RYR2: variants seen among roughly 807,000 people sequenced by gnomAD.
RYR2 encodes the protein ryanodine receptor 2.
In RYR2, 227 loss-of-function variants were observed where a neutral mutation model predicts 601.1. That is an observed-to-expected ratio of 0.38 (90% CI 0.34 to 0.42). The LOEUF is 0.42. RYR2 is among the 10% of genes least tolerant of loss of function. RYR2 has a pLI of 1.00. For synonymous variants in RYR2, 2,223 were observed against 2,175.1 expected (o/e 1.02, Z -0.61); for missense variants, 4,646 against 6,156.5 (o/e 0.75, Z 8.21).
chr1:237,580,744 G>A lies in RYR2; in HGVS notation c.3599-9049G>A, dbSNP rs1673822442. The stretch of plus-strand genomic sequence containing the variant: ...AAAGGGGTAATTCAGGTTAAATGAG[G>A]TAATAGTGTGGGGCCTTAATCCAGT... On this transcript the variant is annotated intron_variant, in intron 29 of 104. Coordinates refer to ENST00000366574, the MANE Select transcript of RYR2 (RefSeq NM_001035.3). Among the ~76,000 whole-genome samples, 4 of 152,182 alleles carry A rather than the reference G, an allele frequency of 2.6e-5. No homozygotes were observed. In the South Asian group the frequency reaches 8.3e-4, roughly 31 times the overall value.
chr1:237,046,369 A>T lies in RYR2; in HGVS notation c.48+3800A>T, dbSNP rs1275644742. Among the ~76,000 whole-genome samples, 6 of 152,326 alleles carry T rather than the reference A, an allele frequency of 3.9e-5. No individual in the cohort carries two copies. In the East Asian group the frequency reaches 1.2e-3, roughly 29 times the overall value. On this transcript the variant is annotated intron_variant, in intron 1 of 104. Coordinates refer to ENST00000366574, the MANE Select transcript of RYR2 (RefSeq NM_001035.3). The stretch of plus-strand genomic sequence containing the variant: ...TTTATCTGCTGTTCAAGTATGTTTT[A>T]GGTTTATAGCAAAAGAATACCAAGT...
intron 1 of RYR2, among the ~76,000 whole-genome samples, chr1:237,066,994 A>G (rs1028950327): frequency 2.0e-5 from 3 of 152,086 alleles, no homozygotes; most frequent in Admixed American, 6.5e-5. Context: ...TTCTAAATGG[A>G]CTTTATAAAA....
chr1:237,052,536 G>A (rs565215598), intron 1 of RYR2, among the ~76,000 whole-genome samples: 6 of 152,288 alleles, frequency 3.9e-5, no homozygotes, highest in South Asian at 2.1e-4. Flanking sequence ...CTTTTGTAGC[G>A]TTTCAGGAAA....
At chr1:237,500,094 C>A (rs1664475028) in intron 20 of RYR2, among the ~76,000 whole-genome samples, 3 of 152,150 alleles carry the variant, frequency 2.0e-5, no homozygotes, top group African/African-American at 4.8e-5. Context: ...CTATAGTTGT[C>A]TCACAATAAG....
chr1:237,712,751 G>T (rs1324126310), intron 71 of RYR2, among the ~76,000 whole-genome samples: 1 of 152,174 alleles, frequency 6.6e-6, no homozygotes, highest in Admixed American at 6.5e-5. Flanking sequence ...TATCTTTCCA[G>T]ATTTTTGTTT....
At chr1:237,123,827 C>T (rs1005031930) in intron 1 of RYR2, among the ~76,000 whole-genome samples, 6 of 151,634 alleles carry the variant, frequency 4.0e-5, no homozygotes, top group Admixed American at 2.0e-4. Flanking sequence ...GCCACCGCGC[C>T]CGGCTAATTT....
intron 29 of RYR2, among the ~76,000 whole-genome samples, chr1:237,571,152 C>T (rs1187262374): frequency 6.6e-6 from 1 of 151,964 alleles, no homozygotes; most frequent in Non-Finnish European, 1.5e-5. Flanking sequence ...AACCTTATTT[C>T]AAAGATAAGC....
At chr1:237,624,860 G>A (rs1020351211) in intron 39 of RYR2, among the ~76,000 whole-genome samples, 9 of 151,992 alleles carry the variant, frequency 5.9e-5, no homozygotes, top group East Asian at 3.8e-4. Flanking sequence ...TGGTTTAACC[G>A]GTGGTTATCT....
At chr1:237,503,753 G>T (rs1393980405) in intron 22 of RYR2, among the ~76,000 whole-genome samples, 1 of 152,134 alleles carries the variant, frequency 6.6e-6, no homozygotes, top group Non-Finnish European at 1.5e-5. Flanking sequence ...TGTTGTCCAG[G>T]CTGGAGTGCA....
chr1:237,117,739 TCTC>T (rs2148627266), intron 1 of RYR2, among the ~76,000 whole-genome samples: 1 of 131,294 alleles, frequency 7.6e-6, no homozygotes, highest in South Asian at 2.4e-4. Flanking sequence ...TCTCTTCTCT[TCTC>T]TTCTCTTCTC....
chr1:237,768,796 A>G (rs1022760276), intron 84 of RYR2, among the ~76,000 whole-genome samples: 2 of 152,186 alleles, frequency 1.3e-5, no homozygotes, highest in African/African-American at 2.4e-5. Context: ...TCATTAAGCA[A>G]CAGTACCCCA....
intron 56 of RYR2, among the ~76,000 whole-genome samples, chr1:237,666,289 G>A (rs371097538): frequency 4.2e-4 from 64 of 152,236 alleles, no homozygotes; most frequent in Middle Eastern, 6.8e-3. Context: ...ATCAAATTCC[G>A]ATAGGCAATT....
At chr1:237,049,937 T>C (rs1661042408) in intron 1 of RYR2, among the ~76,000 whole-genome samples, 2 of 152,302 alleles carry the variant, frequency 1.3e-5, no homozygotes, top group South Asian at 4.1e-4. Flanking sequence ...AAGTGGCCCA[T>C]GTTTCTGGGG....
At position 237,648,501 on chromosome 1, in the gene RYR2, C is replaced by A; in HGVS notation, c.7400C>A (p.Ala2467Asp). 6.2e-7 allele frequency: 1 copy of A among 1,611,086 alleles called. No individual in the cohort carries two copies. The highest frequency in any genetic ancestry group is 8.5e-7 in the Non-Finnish European group (1 of 1,178,582). Residue 2467 changes from alanine to aspartate, a missense_variant, in exon 49 of 105, where the codon GCC becomes GAC. Ala to Asp is a moderately radical substitution (Grantham distance 126). Transcript: ENST00000366574. ...GGGTTTTGCCCAGATCACAAGGCAGCCATGGTTTTATTCCTTGACAGGGTC... is the reference window on the plus strand; with the variant it reads ...GGGTTTTGCCCAGATCACAAGGCAGACATGGTTTTATTCCTTGACAGGGTC... ...SAGFCPDHKA[A>D]MVLFLDRVYG...
At chr1:237,111,590 TAAAA>T (rs71178394) in intron 1 of RYR2, among the ~76,000 whole-genome samples, 9 of 119,952 alleles carry the variant, frequency 7.5e-5, no homozygotes, top group African/African-American at 1.6e-4. Context: ...TCCGTCTCTT[TAAAA>T]AAAAAAAAAA....
chr1:237,219,352 T>C (rs1483383967), intron 1 of RYR2, among the ~76,000 whole-genome samples: 6 of 152,172 alleles, frequency 3.9e-5, no homozygotes, highest in South Asian at 2.1e-4. Context: ...TCACTCATCA[T>C]AGGACGGCTG....
chr1:237,613,724 C>T (rs182543103), intron 36 of RYR2, among the ~76,000 whole-genome samples: 1 of 152,234 alleles, frequency 6.6e-6, no homozygotes. Context: ...ATCTGAAATT[C>T]GAAATGCTCC....
chr1:237,445,578 G>A, intron 14 of RYR2, 56 bp downstream of exon 14: 3 of 1,596,350 alleles, frequency 1.9e-6, no homozygotes, highest in Non-Finnish European at 1.7e-6. Context: ...TTTCTTTATT[G>A]GATATGCAAA....
At chr1:237,448,366 C>T (rs1657650849) in intron 14 of RYR2, among the ~76,000 whole-genome samples, 1 of 152,052 alleles carries the variant, frequency 6.6e-6, no homozygotes, top group Non-Finnish European at 1.5e-5. Flanking sequence ...AGAGAATATA[C>T]TTTGTGAGAC....
Sources: gnomAD v4.1 joint callset for allele counts (sites outside exome capture counted in the v4.1 genomes callset) on GRCh38, gnomAD v4.1.1 for gene constraint, MANE v1.5 for transcripts, NCBI Gene and HGNC (gene_info 2026-07-23, HGNC 2026-07-21) for gene names.